Variants in HSD17B2 observed in about 807,000 individuals in gnomAD.
The protein encoded by HSD17B2 is hydroxysteroid 17-beta dehydrogenase 2.
A neutral mutation model predicts 26.9 loss-of-function variants in HSD17B2; 32 were observed. That is an observed-to-expected ratio of 1.19 (90% CI 0.90 to 1.60). The LOEUF is 1.60. Ranked by LOEUF, HSD17B2 falls within the 40% of genes most tolerant of loss-of-function variation. The pLI, the probability that HSD17B2 is intolerant of heterozygous loss-of-function variation, is 0.00. For synonymous variants in HSD17B2, 246 were observed against 186.7 expected, an observed-to-expected ratio of 1.32 and a Z score of -2.59; for missense variants, 613 against 468.6, an observed-to-expected ratio of 1.31 and a Z score of -2.85.
Position 82,098,414 on chromosome 16 carries a change from A to T in HSD17B2, c.1142A>T (p.Asn381Ile), listed in dbSNP as rs369720692. 2 of 1,605,012 alleles carry T rather than the reference A, an allele frequency of 1.2e-6. No individual in the cohort carries two copies. Among genetic ancestry groups the T allele is most frequent in the African/African-American group, 2.7e-5 (2 of 74,462 alleles). ...ATGCCCAGAGCTCTAAGAATGCCTA[A>T]CTACAAGAAAAAGGCCACCTAGGCA... ...KPMPRALRMP[N>I]YKKKAT Residue 381 changes from asparagine (N) to isoleucine (I), a missense_variant, in exon 5 of 5, where the codon AAC (asparagine) becomes ATC (isoleucine). Physicochemically the swap from Asn to Ile is moderately radical, Grantham distance 149. Transcript: ENST00000199936.
intron 4 of HSD17B2, chr16:82,097,842 G>A (rs903132870): frequency 1.6e-5 from 5 of 321,660 alleles, no homozygotes; most frequent in African/African-American, 6.4e-5. Context: ...GGAGGCTGAG[G>A]CAAGAGAATC....
intron 1 of HSD17B2, among the ~76,000 whole-genome samples, chr16:82,036,722 G>C (rs1198193070): frequency 6.6e-6 from 1 of 152,120 alleles, no homozygotes; most frequent in African/African-American, 2.4e-5. Context: ...CAGAAAAGAA[G>C]CTTCTTTAAA....
intron 1 of HSD17B2, among the ~76,000 whole-genome samples, chr16:82,037,167 C>G (rs1022306509): frequency 6.6e-6 from 1 of 152,184 alleles, no homozygotes; most frequent in African/African-American, 2.4e-5. Flanking sequence ...AAGGACTAAT[C>G]CCTGCATGAA....
At chr16:82,090,466 G>A (rs1375262900) in intron 3 of HSD17B2, among the ~76,000 whole-genome samples, 1 of 151,858 alleles carries the variant, frequency 6.6e-6, no homozygotes. Flanking sequence ...TTACAGGCAT[G>A]CGCCACCACG....
intron 1 of HSD17B2, among the ~76,000 whole-genome samples, chr16:82,064,158 C>G (rs1209472383): frequency 2.0e-5 from 3 of 152,206 alleles, no homozygotes; most frequent in Non-Finnish European, 4.4e-5. Context: ...GAGTCAGATC[C>G]TAGGCTCATG....
chr16:82,082,068 C>A (rs1904396853), intron 3 of HSD17B2, among the ~76,000 whole-genome samples: 1 of 152,096 alleles, frequency 6.6e-6, no homozygotes. Context: ...ACCCCTTTTT[C>A]CCTGAGCTCC....
At chr16:82,042,490 A>G (rs150249215) in intron 1 of HSD17B2, among the ~76,000 whole-genome samples, 11 of 152,332 alleles carry the variant, frequency 7.2e-5, no homozygotes, top group African/African-American at 2.6e-4. Context: ...TCCTATTTCC[A>G]GTCAATTATT....
intron 3 of HSD17B2, among the ~76,000 whole-genome samples, chr16:82,089,437 C>T (rs947171216): frequency 6.6e-6 from 1 of 152,124 alleles, no homozygotes; most frequent in Non-Finnish European, 1.5e-5. Context: ...GTCTAGTCTT[C>T]GTGTGAGACT....
intron 1 of HSD17B2, among the ~76,000 whole-genome samples, chr16:82,054,097 G>T (rs1914192067): frequency 6.6e-6 from 1 of 151,674 alleles, no homozygotes; most frequent in African/African-American, 2.4e-5. Flanking sequence ...AGTCACCTCT[G>T]GCTGTGATTT....
At chr16:82,036,744 A>C (rs926630536) in intron 1 of HSD17B2, among the ~76,000 whole-genome samples, 1 of 152,146 alleles carries the variant, frequency 6.6e-6, no homozygotes, top group African/African-American at 2.4e-5. Context: ...TAATTTTTGA[A>C]AGTTTAGAGG....
chr16:82,073,750 C>G (rs900506884), intron 3 of HSD17B2, among the ~76,000 whole-genome samples: 3 of 152,110 alleles, frequency 2.0e-5, no homozygotes, highest in Non-Finnish European at 4.4e-5. Flanking sequence ...TAAGAAGAAT[C>G]AATATAGTTA....
chr16:82,035,260 G>A lies in HSD17B2; in HGVS notation c.-165G>A. On this transcript the variant is annotated 5_prime_UTR_variant, in exon 1 of 5. Coordinates refer to ENST00000199936, the MANE Select transcript of HSD17B2 (RefSeq NM_002153.3). ...TGCACACTGGTTTAAATTACCCACT[G>A]GGAATATGATTATGCTTAATCTATG... 3.2e-6 allele frequency: 2 copies of A among 620,770 alleles called. No individual in the cohort carries two copies. Among genetic ancestry groups the A allele is most frequent in the Non-Finnish European group, 5.6e-6 (2 of 358,976 alleles). 38.5% of individuals were successfully genotyped at this position (620,770 alleles called of 1,614,324 possible).
At chr16:82,077,325 A>G (rs1279758884) in intron 3 of HSD17B2, among the ~76,000 whole-genome samples, 1 of 152,206 alleles carries the variant, frequency 6.6e-6, no homozygotes, top group African/African-American at 2.4e-5. Context: ...AGACATATAG[A>G]CCAACAGAAC....
At chr16:82,082,791 C>T (rs767182662) in intron 3 of HSD17B2, among the ~76,000 whole-genome samples, 16 of 152,204 alleles carry the variant, frequency 1.1e-4, no homozygotes, top group Non-Finnish European at 2.2e-4. Flanking sequence ...GGATCCATTA[C>T]ATTTCAGGCA....
intron 3 of HSD17B2, among the ~76,000 whole-genome samples, chr16:82,089,890 A>G (rs1256829134): frequency 6.6e-6 from 1 of 152,146 alleles, no homozygotes; most frequent in Non-Finnish European, 1.5e-5. Flanking sequence ...TGACATCTTC[A>G]GAGACTCTTA....
intron 4 of HSD17B2, chr16:82,093,202 T>A (rs571086074): frequency 6.6e-6 from 1 of 152,348 alleles, no homozygotes; most frequent in South Asian, 2.1e-4. Context: ...GAAGCCCCTA[T>A]ATGATCCTCT....
chr16:82,056,108 G>A (rs765794216), intron 1 of HSD17B2, among the ~76,000 whole-genome samples: 3 of 152,154 alleles, frequency 2.0e-5, no homozygotes, highest in Non-Finnish European at 2.9e-5. Context: ...TTTTGGAAGC[G>A]GCTGAGTGAG....
chr16:82,052,973 C>T (rs567046882), intron 1 of HSD17B2, among the ~76,000 whole-genome samples: 1 of 152,242 alleles, frequency 6.6e-6, no homozygotes, highest in African/African-American at 2.4e-5. Flanking sequence ...GCTTAGGTCT[C>T]TCTTCCTCTT....
chr16:82,086,208 C>T (rs1249123687), intron 3 of HSD17B2, among the ~76,000 whole-genome samples: 1 of 152,014 alleles, frequency 6.6e-6, no homozygotes, highest in African/African-American at 2.4e-5. Flanking sequence ...TTCACAATAG[C>T]CAAAGGTAGA....
Sources: gnomAD v4.1 joint callset for allele counts (sites outside exome capture counted in the v4.1 genomes callset) on GRCh38, gnomAD v4.1.1 for gene constraint, MANE v1.5 for transcripts, NCBI Gene and HGNC (gene_info 2026-07-23, HGNC 2026-07-21) for gene names.